The following PTPRD variants were observed in gnomAD, a reference collection of about 807,000 sequenced individuals.
The protein encoded by PTPRD is protein tyrosine phosphatase receptor type D.
PTPRD carries 34 observed loss-of-function variants against 214.5 expected under a neutral mutation model. The ratio of observed to expected loss-of-function variants is 0.16; its 90% CI spans 0.12 to 0.21. The LOEUF is 0.21. Among genes scored for constraint, PTPRD ranks in the 10% least tolerant of loss-of-function variants. PTPRD has a pLI of 1.00. For synonymous variants in PTPRD, 1,128 were observed against 845.7 expected (o/e 1.33, Z -5.79); for missense variants, 2,545 against 2,398.7 (o/e 1.06, Z -1.27).
At chr9:9,929,087 C>A (rs930363930) in intron 5 of PTPRD, among the ~76,000 whole-genome samples, 2 of 152,042 alleles carry the variant, frequency 1.3e-5, no homozygotes, top group Non-Finnish European at 2.9e-5. Context: ...CAATAGATAC[C>A]ATATCTGTCC....
At chr9:8,524,705 A>G in intron 18 of PTPRD, 1 of 647,904 alleles carries the variant, frequency 1.5e-6, no homozygotes, top group East Asian at 2.7e-5. Flanking sequence ...ATATACTTAC[A>G]AACTCCAAGC....
At chr9:8,562,429 T>C (rs1049856251) in intron 14 of PTPRD, among the ~76,000 whole-genome samples, 1 of 149,700 alleles carries the variant, frequency 6.7e-6, no homozygotes, top group African/African-American at 2.5e-5. Flanking sequence ...TATTTATTTA[T>C]TTATTTTATT....
intron 11 of PTPRD, among the ~76,000 whole-genome samples, chr9:9,017,603 G>A (rs1256603317): frequency 6.6e-6 from 1 of 152,102 alleles, no homozygotes; most frequent in African/African-American, 2.4e-5. Context: ...AATATAGAAA[G>A]TTTAGAACAC....
chr9:10,210,320 A>T (rs2099509631), intron 3 of PTPRD, among the ~76,000 whole-genome samples: 3 of 152,210 alleles, frequency 2.0e-5, no homozygotes, highest in Non-Finnish European at 4.4e-5. Context: ...GAGAGCTCAG[A>T]CAAAAGTGAG....
At chr9:9,286,257 T>C (rs1949324267) in intron 9 of PTPRD, among the ~76,000 whole-genome samples, 1 of 151,854 alleles carries the variant, frequency 6.6e-6, no homozygotes, top group Non-Finnish European at 1.5e-5. Flanking sequence ...GCAACTATTA[T>C]AATAGGCTCC....
At position 9,266,058 on chromosome 9, in the gene PTPRD, A is replaced by C. The variant is rs73390816; in HGVS notation, c.-202-82695T>G. Among the ~76,000 whole-genome samples the C allele has an allele frequency of 8.4e-3, 1,269 of 151,658 alleles. 15 individuals carry two copies. Among genetic ancestry groups the C allele is most frequent in the African/African-American group, 0.029 (1,184 of 41,482 alleles). On this transcript the variant is annotated intron_variant, in intron 9 of 45. Coordinates refer to ENST00000381196, the MANE Select transcript of PTPRD (RefSeq NM_002839.4). ...TGATAAAGATATTGTATGCAAATAAAATCCAAAAAGAAAGGGGTAGGGGTA... is the reference window on the plus strand; with the variant it reads ...TGATAAAGATATTGTATGCAAATAACATCCAAAAAGAAAGGGGTAGGGGTA...
intron 7 of PTPRD, among the ~76,000 whole-genome samples, chr9:9,615,341 C>G (rs1323313531): frequency 1.3e-5 from 2 of 152,142 alleles, no homozygotes; most frequent in African/African-American, 2.4e-5. Flanking sequence ...TGTTGCTCCT[C>G]ACCTGCTGGC....
At chr9:9,237,851 G>T (rs780888181) in intron 9 of PTPRD, among the ~76,000 whole-genome samples, 1 of 152,040 alleles carries the variant, frequency 6.6e-6, no homozygotes, top group Non-Finnish European at 1.5e-5. Flanking sequence ...TTTTGATGAG[G>T]TTAACAGGGC....
intron 2 of PTPRD, among the ~76,000 whole-genome samples, chr9:10,418,866 T>A (rs1381742159): frequency 1.3e-5 from 2 of 151,798 alleles, no homozygotes; most frequent in Non-Finnish European, 2.9e-5. Context: ...CTCCTAGAAG[T>A]GATTTCCTGT....
intron 9 of PTPRD, among the ~76,000 whole-genome samples, chr9:9,369,709 G>T (rs1188290264): frequency 6.6e-6 from 1 of 152,136 alleles, no homozygotes; most frequent in Non-Finnish European, 1.5e-5. Flanking sequence ...GAATGGTATT[G>T]CCTAGGTTTT....
intron 3 of PTPRD, among the ~76,000 whole-genome samples, chr9:10,246,860 C>T (rs2092193273): frequency 6.6e-6 from 1 of 151,582 alleles, no homozygotes; most frequent in Admixed American, 6.6e-5. Context: ...CACCATTGCA[C>T]TCCAGTCTGG....
intron 9 of PTPRD, among the ~76,000 whole-genome samples, chr9:9,300,616 A>T: frequency 6.6e-6 from 1 of 151,770 alleles, no homozygotes; most frequent in East Asian, 1.9e-4. Context: ...TAGTGTCCTT[A>T]TAAAAGGGAC....
chr9:8,690,021 T>C (rs752365297), intron 12 of PTPRD, among the ~76,000 whole-genome samples: 7 of 149,974 alleles, frequency 4.7e-5, no homozygotes, highest in African/African-American at 7.4e-5. Context: ...GGCAGGAGAA[T>C]TGCTTAAGCC....
intron 2 of PTPRD, among the ~76,000 whole-genome samples, chr9:10,450,060 A>T (rs1353824415): frequency 6.6e-6 from 1 of 151,614 alleles, no homozygotes; most frequent in East Asian, 1.9e-4. Context: ...CTTAAGAGTC[A>T]TCACCACTCC....
chr9:9,835,064 A>G (rs573135775), intron 5 of PTPRD, among the ~76,000 whole-genome samples: 59 of 152,228 alleles, frequency 3.9e-4, no homozygotes, highest in African/African-American at 1.4e-3. Context: ...ATCATCCAAA[A>G]GGGCATAAAC....
At chr9:8,594,570 G>A (rs995621454) in intron 14 of PTPRD, among the ~76,000 whole-genome samples, 2 of 152,226 alleles carry the variant, frequency 1.3e-5, no homozygotes, top group South Asian at 4.2e-4. Context: ...CTGGTGGGAG[G>A]TGATTGGATC....
intron 9 of PTPRD, among the ~76,000 whole-genome samples, chr9:9,334,083 TA>T (rs1285314774): frequency 6.6e-6 from 1 of 151,970 alleles, no homozygotes; most frequent in African/African-American, 2.4e-5. Context: ...CCTAAGTGTA[TA>T]TGCCCGTAAT....
chr9:9,973,294 T>A (rs1175268644), intron 4 of PTPRD, among the ~76,000 whole-genome samples: 5 of 144,876 alleles, frequency 3.5e-5, no homozygotes, highest in African/African-American at 1.3e-4. Flanking sequence ...GGTGAGACCT[T>A]GTCTTTCAAA....
intron 8 of PTPRD, among the ~76,000 whole-genome samples, chr9:9,467,886 G>C (rs960151568): frequency 6.6e-6 from 1 of 152,014 alleles, no homozygotes; most frequent in Non-Finnish European, 1.5e-5. Flanking sequence ...AATACATTGA[G>C]GTATTTGGTA....
Sources: gnomAD v4.1 joint callset for allele counts (sites outside exome capture counted in the v4.1 genomes callset) on GRCh38, gnomAD v4.1.1 for gene constraint, MANE v1.5 for transcripts, NCBI Gene and HGNC (gene_info 2026-07-23, HGNC 2026-07-21) for gene names.